CPS1: variants seen among roughly 807,000 people sequenced by gnomAD.
CPS1 encodes carbamoyl-phosphate synthase 1.
Under a neutral mutation model 174.6 loss-of-function variants are expected in CPS1, and 109 were observed. That is an observed-to-expected ratio of 0.62 (90% CI 0.53 to 0.73). CPS1 has a LOEUF of 0.73. Ranked by LOEUF, CPS1 falls within the 30% of genes least tolerant of loss-of-function variation. The pLI is 0.00. For missense variants in CPS1, 1,689 were observed against 1,821.9 expected (o/e 0.93, Z 1.33); for synonymous variants, 637 against 632.0 (o/e 1.01, Z -0.12).
chr2:210,536,603 G>A (rs1696261253), intron 1 of CPS1, among the ~76,000 whole-genome samples: 1 of 152,174 alleles, frequency 6.6e-6, no homozygotes, highest in Non-Finnish European at 1.5e-5. Flanking sequence ...TGGGATTACA[G>A]GCGTGAGCCA....
intron 1 of CPS1, among the ~76,000 whole-genome samples, chr2:210,537,962 T>C (rs2106008987): frequency 6.6e-6 from 1 of 152,338 alleles, no homozygotes; most frequent in African/African-American, 2.4e-5. Context: ...ACAGATCAGG[T>C]ATCATGCTAA....
At chr2:210,668,148 G>T in intron 33 of CPS1, 38 bp from the exon 34 acceptor site, 1 of 1,421,338 alleles carries the variant, frequency 7.0e-7, no homozygotes, top group Non-Finnish European at 9.9e-7. Flanking sequence ...ACTATTCTTT[G>T]CATCCTCTAT....
chr2:210,593,059 C>T lies in CPS1; in HGVS notation c.1164+103C>T, dbSNP rs529530294. The T allele has an allele frequency of 9.8e-6, 10 of 1,018,622 alleles. No homozygotes were observed. The South Asian group carries it at 1.3e-4, about 13-fold the overall frequency. The allele number at this position is 1,018,622 out of a possible 1,614,324, so 63.1% of individuals were successfully genotyped here. A position where few individuals can be genotyped will look rare whatever the true frequency, so the allele number is the denominator to read the frequency against. On this transcript the variant is annotated intron_variant, in intron 11 of 37. Transcript: ENST00000233072. ...TCACCCCAGATGATCTTGAGCAGAACATTCTCAAGAAGAGTGCTTTGGTAA... is the reference window on the plus strand; with the variant it reads ...TCACCCCAGATGATCTTGAGCAGAATATTCTCAAGAAGAGTGCTTTGGTAA...
rs1327048960 is a variant in CPS1 at position 210,648,028 on chromosome 2, C to T, written c.3307C>T (p.Gln1103Ter). 6.2e-7 allele frequency: 1 copy of T among 1,614,016 alleles called. No homozygotes were observed. ...SAVLDELKVA[Q>*]APWKAVNTLN... The stretch of plus-strand genomic sequence containing the variant: ...TGTCTTGGATGAGCTGAAGGTGGCT[C>T]AGGCACCTTGGAAAGCTGTTAATAC... Residue 1103 changes from glutamine (Q) to a stop codon, truncating the protein, a stop_gained, in exon 26 of 38, where the codon CAG (glutamine) becomes TAG (stop). Transcript: ENST00000233072. LOFTEE classifies it high-confidence loss of function.
intron 1 of CPS1, among the ~76,000 whole-genome samples, chr2:210,566,115 A>G (rs1559079678): frequency 6.6e-6 from 1 of 152,174 alleles, no homozygotes; most frequent in Non-Finnish European, 1.5e-5. Flanking sequence ...GTCATGGGGC[A>G]ATGCAGCCCT....
intron 36 of CPS1, 44 bp from the exon 37 acceptor site, chr2:210,676,963 T>C (rs746065532): frequency 2.5e-6 from 4 of 1,595,870 alleles, no homozygotes; most frequent in South Asian, 2.2e-5. Flanking sequence ...AAACTAACTA[T>C]AAAATATGCC....
At chr2:210,509,691 A>G (rs967932256) in intron 1 of CPS1, among the ~76,000 whole-genome samples, 4 of 152,224 alleles carry the variant, frequency 2.6e-5, no homozygotes, top group African/African-American at 9.6e-5. Context: ...GTCTCAGGAT[A>G]CAAAATCAAT....
intron 34 of CPS1, chr2:210,672,069 G>A (rs1388571318): frequency 6.6e-6 from 1 of 152,020 alleles, no homozygotes; most frequent in Non-Finnish European, 1.5e-5. Context: ...ACAACAAATT[G>A]CTAGGATCCA....
At chr2:210,567,205 A>T (rs1697332099) in intron 1 of CPS1, among the ~76,000 whole-genome samples, 1 of 152,172 alleles carries the variant, frequency 6.6e-6, no homozygotes, top group South Asian at 2.1e-4. Flanking sequence ...GAGGTATTTT[A>T]ACATTTGAAC....
intron 28 of CPS1, among the ~76,000 whole-genome samples, chr2:210,653,385 A>T (rs1222008618): frequency 1.3e-5 from 2 of 152,176 alleles, no homozygotes; most frequent in Non-Finnish European, 2.9e-5. Flanking sequence ...GCACTTCAAG[A>T]TGAGAAGTGT....
intron 6 of CPS1, among the ~76,000 whole-genome samples, chr2:210,585,419 TG>T (rs1698074798): frequency 6.6e-6 from 1 of 152,088 alleles, no homozygotes; most frequent in Non-Finnish European, 1.5e-5. Context: ...CACGATCTAT[TG>T]AGTACTTATT....
chr2:210,497,464 C>T lies in CPS1; in HGVS notation c.3+19698C>T, dbSNP rs775314610. Among the ~76,000 whole-genome samples, 5 of 151,680 alleles carry T rather than the reference C, an allele frequency of 3.3e-5. No homozygotes were observed. In the East Asian group the frequency reaches 5.8e-4, roughly 18 times the overall value. ...GTTACATAGGTATATTGTGTGATGCCGAGGTTTGGGATACAAATGATCCCA... is the reference window on the plus strand; with the variant it reads ...GTTACATAGGTATATTGTGTGATGCTGAGGTTTGGGATACAAATGATCCCA... On this transcript the variant is annotated intron_variant, in intron 1 of 38. Coordinates refer to the CPS1 transcript ENST00000430249.
At chr2:210,611,890 G>A (rs1471767455) in intron 19 of CPS1, among the ~76,000 whole-genome samples, 2 of 151,386 alleles carry the variant, frequency 1.3e-5, no homozygotes, top group Non-Finnish European at 2.9e-5. Context: ...TGAACTCCCT[G>A]AGTGGTAAAA....
chr2:210,577,395 T>C (rs557749812), intron 3 of CPS1, 26 bp from the exon 4 acceptor site: 3 of 1,574,534 alleles, frequency 1.9e-6, no homozygotes, highest in East Asian at 4.5e-5. Context: ...TGATAACCTC[T>C]TTAAAATGAC....
intron 1 of CPS1, among the ~76,000 whole-genome samples, chr2:210,542,282 A>G (rs1696453329): frequency 6.6e-6 from 1 of 152,080 alleles, no homozygotes; most frequent in Admixed American, 6.6e-5. Context: ...CTATAAATTC[A>G]TGGTCACGGA....
chr2:210,635,248 GAACTTTATTTA>G, intron 21 of CPS1, among the ~76,000 whole-genome samples: 1 of 152,090 alleles, frequency 6.6e-6, no homozygotes, highest in African/African-American at 2.4e-5. Flanking sequence ...CGGCCAAGTT[GAACTTTATTTA>G]TAGCTCTGTT....
At chr2:210,534,217 G>A (rs1428835278) in intron 1 of CPS1, among the ~76,000 whole-genome samples, 3 of 152,206 alleles carry the variant, frequency 2.0e-5, no homozygotes, top group Non-Finnish European at 4.4e-5. Flanking sequence ...GCTACTCATG[G>A]ATACACATGT....
intron 22 of CPS1, among the ~76,000 whole-genome samples, chr2:210,638,415 G>A (rs1159806745): frequency 6.6e-6 from 1 of 152,020 alleles, no homozygotes; most frequent in Non-Finnish European, 1.5e-5. Context: ...GGCCTTTAAT[G>A]GAAGGGATGT....
At chr2:210,576,580 C>A in intron 3 of CPS1, 90 bp downstream of exon 3, 1 of 1,343,918 alleles carries the variant, frequency 7.4e-7, no homozygotes, top group Non-Finnish European at 1.1e-6. Context: ...AACTTTCTTC[C>A]TCAATACGGT....
Sources: allele counts gnomAD v4.1 joint callset (sites outside exome capture counted in the v4.1 genomes callset), GRCh38; gene constraint gnomAD v4.1.1; transcripts MANE v1.5; gene names NCBI Gene and HGNC (gene_info 2026-07-23, HGNC 2026-07-21).